The following SNX10 variants were observed in gnomAD, a reference collection of about 807,000 sequenced individuals.
The protein encoded by SNX10 is sorting nexin 10.
Under a neutral mutation model 28.5 loss-of-function variants are expected in SNX10, and 25 were observed. The observed-to-expected ratio is 0.88, with a 90% confidence interval of 0.64 to 1.22. SNX10 has a LOEUF of 1.22. Ranked by LOEUF, SNX10 falls within the 50% of genes most tolerant of loss-of-function variation. The pLI, the probability that SNX10 is intolerant of heterozygous loss-of-function variation, is 0.00. For synonymous variants in SNX10, 62 were observed against 81.4 expected, an observed-to-expected ratio of 0.76 and a Z score of 1.28; for missense variants, 223 against 242.6, an observed-to-expected ratio of 0.92 and a Z score of 0.54.
intron 1 of SNX10, among the ~76,000 whole-genome samples, chr7:26,315,581 T>A (rs1435036248): frequency 6.6e-6 from 1 of 151,566 alleles, no homozygotes; most frequent in Non-Finnish European, 1.5e-5. Flanking sequence ...GGCAGGAGAA[T>A]GGCATGAACC....
At chr7:26,315,681 A>T (rs1192900859) in intron 1 of SNX10, among the ~76,000 whole-genome samples, 1 of 151,960 alleles carries the variant, frequency 6.6e-6, no homozygotes, top group Non-Finnish European at 1.5e-5. Context: ...AAAAAAAAAA[A>T]TTGCAAAATA....
intron 1 of SNX10, among the ~76,000 whole-genome samples, chr7:26,333,447 C>CT (rs1221315267): frequency 6.6e-6 from 1 of 151,314 alleles, no homozygotes; most frequent in Non-Finnish European, 1.5e-5. Flanking sequence ...GCCTCAGCCT[C>CT]TGAGTAGCTG....
At chr7:26,336,760 T>G (rs1223687952) in intron 1 of SNX10, among the ~76,000 whole-genome samples, 1 of 152,222 alleles carries the variant, frequency 6.6e-6, no homozygotes, top group Non-Finnish European at 1.5e-5. Flanking sequence ...CATTTAATAT[T>G]CTTTTATAAC....
intron 1 of SNX10, among the ~76,000 whole-genome samples, chr7:26,296,398 C>G (rs575102446): frequency 6.6e-6 from 1 of 152,000 alleles, no homozygotes; most frequent in Admixed American, 6.6e-5. Flanking sequence ...CACCTGTAGT[C>G]CTAGCTTCTT....
chr7:26,299,258 C>G (rs932744513), intron 1 of SNX10, among the ~76,000 whole-genome samples: 1 of 151,790 alleles, frequency 6.6e-6, no homozygotes, highest in South Asian at 2.1e-4. Context: ...TGCGGTGGTG[C>G]GATCTCGGCT....
chr7:26,312,749 A>T (rs973440258), intron 1 of SNX10, among the ~76,000 whole-genome samples: 1 of 152,266 alleles, frequency 6.6e-6, no homozygotes, highest in South Asian at 2.1e-4. Flanking sequence ...ACGCCACTGC[A>T]CTCCAGCCTG....
At chr7:26,309,192 C>T (rs1786717363) in intron 1 of SNX10, among the ~76,000 whole-genome samples, 1 of 152,094 alleles carries the variant, frequency 6.6e-6, no homozygotes, top group Admixed American at 6.5e-5. Flanking sequence ...AGCATCAAGA[C>T]CTAGTCAAGC....
At chr7:26,345,908 G>C (rs1282494351) in intron 1 of SNX10, among the ~76,000 whole-genome samples, 1 of 152,136 alleles carries the variant, frequency 6.6e-6, no homozygotes, top group Non-Finnish European at 1.5e-5. Context: ...GAAGGTCAGA[G>C]TCAAGGTCCT....
At chr7:26,325,331 G>A (rs1787465332) in intron 1 of SNX10, among the ~76,000 whole-genome samples, 1 of 17,498 alleles carries the variant, frequency 5.7e-5, no homozygotes, top group African/African-American at 1.4e-4. Context: ...ATATATATTT[G>A]AGATGGAGTC....
At chr7:26,322,442 G>T (rs549630592) in intron 1 of SNX10, among the ~76,000 whole-genome samples, 2 of 152,278 alleles carry the variant, frequency 1.3e-5, no homozygotes, top group East Asian at 3.9e-4. Flanking sequence ...TAAATTGAGA[G>T]ATTCTAGCTA....
At chr7:26,319,858 C>T (rs903662880) in intron 1 of SNX10, among the ~76,000 whole-genome samples, 2 of 152,038 alleles carry the variant, frequency 1.3e-5, no homozygotes, top group Non-Finnish European at 2.9e-5. Context: ...GTTTCCTTCC[C>T]TAGTACTGGT....
At chr7:26,359,541 A>T (rs1173270149) in intron 2 of SNX10, among the ~76,000 whole-genome samples, 1 of 152,252 alleles carries the variant, frequency 6.6e-6, no homozygotes, top group Admixed American at 6.5e-5. Context: ...TAGCAAGTTT[A>T]TGATCACTGA....
intron 1 of SNX10, among the ~76,000 whole-genome samples, chr7:26,326,224 A>G (rs1197792799): frequency 6.6e-6 from 1 of 152,182 alleles, no homozygotes; most frequent in Non-Finnish European, 1.5e-5. Context: ...TACAAAAAGG[A>G]GAGAACTAAA....
At chr7:26,315,364 G>A (rs959039203) in intron 1 of SNX10, among the ~76,000 whole-genome samples, 12 of 152,166 alleles carry the variant, frequency 7.9e-5, no homozygotes, top group Admixed American at 5.9e-4. Flanking sequence ...AAGTGTCATA[G>A]CTTTTTAAAA....
At chr7:26,335,898 T>C (rs1458786817) in intron 1 of SNX10, among the ~76,000 whole-genome samples, 12 of 151,320 alleles carry the variant, frequency 7.9e-5, no homozygotes, top group African/African-American at 1.2e-4. Flanking sequence ...CGCCCGCCAC[T>C]GCGCCCGGCT....
chr7:26,343,057 A>G (rs771442729), intron 1 of SNX10, among the ~76,000 whole-genome samples: 7 of 151,878 alleles, frequency 4.6e-5, no homozygotes, highest in Non-Finnish European at 7.4e-5. Context: ...GCCCGCCTCA[A>G]CCTCCCAAAG....
intron 1 of SNX10, among the ~76,000 whole-genome samples, chr7:26,343,804 C>T (rs1472699793): frequency 1.3e-5 from 2 of 152,218 alleles, no homozygotes; most frequent in Non-Finnish European, 2.9e-5. Flanking sequence ...TCCTCCTGGC[C>T]TCCTCCCCTT....
chr7:26,335,261 T>C (rs1011918187), intron 1 of SNX10, among the ~76,000 whole-genome samples: 1 of 152,226 alleles, frequency 6.6e-6, no homozygotes, highest in Non-Finnish European at 1.5e-5. Context: ...ACTTGTGTTA[T>C]ACGGGTATAA....
intron 1 of SNX10, among the ~76,000 whole-genome samples, chr7:26,296,588 AG>A (rs1413615020): frequency 5.3e-5 from 8 of 152,342 alleles, no homozygotes; most frequent in Non-Finnish European, 1.2e-4. Context: ...AGTTTAGGCC[AG>A]ACTTTTAACA....
Sources: allele counts gnomAD v4.1 joint callset (sites outside exome capture counted in the v4.1 genomes callset), GRCh38; gene constraint gnomAD v4.1.1; transcripts MANE v1.5; gene names NCBI Gene and HGNC (gene_info 2026-07-23, HGNC 2026-07-21).